TENM3: variants seen among roughly 807,000 people sequenced by gnomAD.
The protein encoded by TENM3 is teneurin-3.
A neutral mutation model predicts 255.1 loss-of-function variants in TENM3; 63 were observed. That is an observed-to-expected ratio of 0.25 (90% CI 0.20 to 0.30). The LOEUF (loss-of-function observed/expected upper bound fraction) is 0.30. Among genes scored for constraint, TENM3 ranks in the 10% least tolerant of loss-of-function variants. The pLI is 1.00. For missense variants in TENM3, 2,929 were observed against 3,461.1 expected, an observed-to-expected ratio of 0.85 and a Z score of 3.86; for synonymous variants, 1,306 against 1,322.3, an observed-to-expected ratio of 0.99 and a Z score of 0.27.
chr4:182,465,339 G>T (rs1025077910), intron 3 of TENM3, among the ~76,000 whole-genome samples: 2 of 152,136 alleles, frequency 1.3e-5, no homozygotes, highest in African/African-American at 4.8e-5. Flanking sequence ...AGGACTTCAG[G>T]AAGGGGACTG....
At chr4:181,506,913 G>C in the TENM3 span, among the ~76,000 whole-genome samples, 1 of 152,150 alleles carries the variant, frequency 6.6e-6, no homozygotes, top group Non-Finnish European at 1.5e-5. Flanking sequence ...AATATTATGT[G>C]ATCTCAGTAA....
the TENM3 span, chr4:181,980,008 G>A: frequency 6.6e-6 from 1 of 152,258 alleles, no homozygotes; most frequent in East Asian, 1.9e-4. Context: ...CAGGCAGGTT[G>A]AAAGCCTCTT....
chr4:182,471,044 A>G (rs564685159), intron 3 of TENM3, among the ~76,000 whole-genome samples: 2 of 152,294 alleles, frequency 1.3e-5, no homozygotes, highest in African/African-American at 4.8e-5. Flanking sequence ...TTTTATTTGC[A>G]TTTGTTTTTC....
intron 21 of TENM3, 38 bp downstream of exon 21, chr4:182,753,642 T>C (rs1482011874): frequency 1.2e-6 from 2 of 1,602,200 alleles, no homozygotes; most frequent in Non-Finnish European, 1.7e-6. Context: ...GTTTTTCCTC[T>C]AGGTGACTTG....
the TENM3 span, among the ~76,000 whole-genome samples, chr4:181,655,975 C>T: frequency 1.2e-4 from 19 of 152,198 alleles, no homozygotes; most frequent in East Asian, 9.7e-4. Flanking sequence ...ATGAGCAGAC[C>T]GGGATGATGG....
chr4:182,508,588 T>TG (rs1246365882), intron 3 of TENM3, among the ~76,000 whole-genome samples: 1 of 152,232 alleles, frequency 6.6e-6, no homozygotes, highest in Non-Finnish European at 1.5e-5. Flanking sequence ...AATGATAGAA[T>TG]GGGGTCCCTT....
chr4:182,294,736 A>C (rs182497013), intron 1 of TENM3, among the ~76,000 whole-genome samples: 4 of 152,346 alleles, frequency 2.6e-5, no homozygotes, highest in Non-Finnish European at 4.4e-5. Context: ...GCCAAATGTT[A>C]TCACTTCCCA....
At chr4:181,576,710 C>T in the TENM3 span, among the ~76,000 whole-genome samples, 1 of 151,802 alleles carries the variant, frequency 6.6e-6, no homozygotes, top group Non-Finnish European at 1.5e-5. Flanking sequence ...AACTATTAAG[C>T]GCCTGAGGAA....
At chr4:181,881,505 A>G in the TENM3 span, among the ~76,000 whole-genome samples, 1 of 152,120 alleles carries the variant, frequency 6.6e-6, no homozygotes, top group African/African-American at 2.4e-5. Context: ...TTAGAAAGAA[A>G]GGATTCATAT....
intron 3 of TENM3, among the ~76,000 whole-genome samples, chr4:182,503,177 T>TTA (rs1365835762): frequency 6.6e-6 from 1 of 152,154 alleles, no homozygotes; most frequent in Non-Finnish European, 1.5e-5. Flanking sequence ...CAGTGGTTTC[T>TTA]TGCTTTGGGT....
chr4:181,836,808 T>C, the TENM3 span, among the ~76,000 whole-genome samples: 1 of 152,180 alleles, frequency 6.6e-6, no homozygotes, highest in East Asian at 1.9e-4. Flanking sequence ...TAAACGTTCT[T>C]CTTTGGGGGA....
chr4:181,847,472 T>C, the TENM3 span, among the ~76,000 whole-genome samples: 1,849 of 152,248 alleles, frequency 0.012, 35 homozygotes, highest in African/African-American at 0.042. Flanking sequence ...ATGACCCATA[T>C]GTTTTCAGAA....
chr4:181,734,054 AT>A, the TENM3 span, among the ~76,000 whole-genome samples: 4 of 152,176 alleles, frequency 2.6e-5, no homozygotes, highest in African/African-American at 9.6e-5. Context: ...TTTATACTGA[AT>A]GCCTAGAAGT....
At chr4:182,209,616 T>C (rs1754845169) in intron 1 of TENM3, among the ~76,000 whole-genome samples, 1 of 139,070 alleles carries the variant, frequency 7.2e-6, no homozygotes. Flanking sequence ...AAACATTACC[T>C]GGTGGCCTGG....
chr4:182,188,777 A>G (rs1445067326), intron 1 of TENM3, among the ~76,000 whole-genome samples: 4 of 152,314 alleles, frequency 2.6e-5, no homozygotes, highest in Middle Eastern at 3.4e-3. Flanking sequence ...CCTTGGGGCA[A>G]GGCCAGTAAT....
chr4:182,585,555 T>C (rs1481311077), intron 3 of TENM3, among the ~76,000 whole-genome samples: 1 of 152,126 alleles, frequency 6.6e-6, no homozygotes, highest in Non-Finnish European at 1.5e-5. Flanking sequence ...AAAACAGCCA[T>C]CTGCAAGCCA....
the TENM3 span, among the ~76,000 whole-genome samples, chr4:181,700,904 T>C: frequency 6.6e-6 from 1 of 152,226 alleles, no homozygotes. Flanking sequence ...TCGATTTCAA[T>C]TTTTTAATTT....
the TENM3 span, among the ~76,000 whole-genome samples, chr4:181,462,705 C>T: frequency 1.4e-3 from 213 of 152,236 alleles, no homozygotes; most frequent in Admixed American, 3.3e-3. Flanking sequence ...ACATAACTCA[C>T]GTGTCATTCC....
the TENM3 span, among the ~76,000 whole-genome samples, chr4:181,609,318 A>G: frequency 6.6e-6 from 1 of 152,216 alleles, no homozygotes; most frequent in Non-Finnish European, 1.5e-5. Context: ...GAAGGGAAAT[A>G]AGATGCTTTT....
Sources: gnomAD v4.1 joint callset for allele counts (sites outside exome capture counted in the v4.1 genomes callset) on GRCh38, gnomAD v4.1.1 for gene constraint, MANE v1.5 for transcripts, NCBI Gene and HGNC (gene_info 2026-07-23, HGNC 2026-07-21) for gene names.